The following RIMS1 variants were observed in gnomAD, a reference collection of about 807,000 sequenced individuals.
RIMS1 encodes the protein regulating synaptic membrane exocytosis protein 1.
In RIMS1, 83 loss-of-function variants were observed where a neutral mutation model predicts 214.1. The observed-to-expected ratio is 0.39, with a 90% CI of 0.32 to 0.47. RIMS1 has a LOEUF of 0.47. Ranked by LOEUF, RIMS1 falls within the 20% of genes least tolerant of loss-of-function variation. The pLI is 0.99. For synonymous variants in RIMS1, 793 were observed against 786.8 expected (o/e 1.01, Z -0.13); for missense variants, 2,050 against 2,161.8 (o/e 0.95, Z 1.03).
chr6:72,127,911 G>A (rs1025968888), intron 4 of RIMS1, among the ~76,000 whole-genome samples: 4 of 152,164 alleles, frequency 2.6e-5, no homozygotes, highest in African/African-American at 9.7e-5. Context: ...ATGATCTCAA[G>A]ATTAAAAATA....
chr6:72,300,415 C>T (rs1000415773), intron 26 of RIMS1, among the ~76,000 whole-genome samples: 1 of 151,688 alleles, frequency 6.6e-6, no homozygotes, highest in Admixed American at 6.6e-5. Context: ...TTTCAAAAAT[C>T]AAATTTAAAT....
At chr6:72,393,235 GA>G (rs915189174) in intron 31 of RIMS1, among the ~76,000 whole-genome samples, 1 of 150,682 alleles carries the variant, frequency 6.6e-6, no homozygotes, top group Non-Finnish European at 1.5e-5. Flanking sequence ...GGAAGGTGGA[GA>G]AAAACACTAA....
At chr6:72,388,949 A>G (rs1421099233) in intron 29 of RIMS1, among the ~76,000 whole-genome samples, 1 of 152,190 alleles carries the variant, frequency 6.6e-6, no homozygotes, top group African/African-American at 2.4e-5. Flanking sequence ...TGACTTCAGC[A>G]TTTATGGGAA....
At chr6:72,229,959 G>A (rs116140474) in intron 6 of RIMS1, among the ~76,000 whole-genome samples, 2 of 151,700 alleles carry the variant, frequency 1.3e-5, no homozygotes, top group Non-Finnish European at 3.0e-5. Context: ...TTTTGTGTAT[G>A]CAGTGCATAA....
chr6:72,079,391 T>C (rs778693080), intron 2 of RIMS1, among the ~76,000 whole-genome samples: 5 of 152,182 alleles, frequency 3.3e-5, no homozygotes, highest in Middle Eastern at 3.2e-3. Flanking sequence ...GGATACTTCA[T>C]TCATGATGCC....
intron 4 of RIMS1, among the ~76,000 whole-genome samples, chr6:72,177,255 C>A (rs916796724): frequency 2.0e-5 from 3 of 151,932 alleles, no homozygotes; most frequent in Admixed American, 6.6e-5. Context: ...TATTTTATTT[C>A]TTATTATTTA....
At chr6:72,041,210 G>A (rs1821350156) in intron 2 of RIMS1, among the ~76,000 whole-genome samples, 1 of 151,844 alleles carries the variant, frequency 6.6e-6, no homozygotes, top group Admixed American at 6.6e-5. Flanking sequence ...CATCTGATTG[G>A]AATCACACTT....
At chr6:71,907,193 C>G (rs1021642586) in intron 1 of RIMS1, among the ~76,000 whole-genome samples, 2 of 152,144 alleles carry the variant, frequency 1.3e-5, no homozygotes, top group East Asian at 3.9e-4. Context: ...TTTAATTCCT[C>G]ACATTTGTTG....
chr6:71,969,494 A>G (rs1561994339), intron 2 of RIMS1, among the ~76,000 whole-genome samples: 1 of 152,144 alleles, frequency 6.6e-6, no homozygotes, highest in Non-Finnish European at 1.5e-5. Context: ...ATATTATTTA[A>G]AGGTAACTGA....
chr6:71,899,442 A>G (rs1431768649), intron 1 of RIMS1, among the ~76,000 whole-genome samples: 1 of 151,662 alleles, frequency 6.6e-6, no homozygotes, highest in Non-Finnish European at 1.5e-5. Context: ...GTGAATGGCT[A>G]CTCACATATA....
At chr6:72,391,498 G>A (rs1388016227) in intron 30 of RIMS1, among the ~76,000 whole-genome samples, 2 of 151,698 alleles carry the variant, frequency 1.3e-5, no homozygotes, top group Admixed American at 1.3e-4. Flanking sequence ...TGGATTACAT[G>A]GAGATTCACC....
chr6:72,003,581 G>A (rs989252926), intron 2 of RIMS1, among the ~76,000 whole-genome samples: 11 of 151,792 alleles, frequency 7.2e-5, no homozygotes, highest in African/African-American at 1.9e-4. Flanking sequence ...TAAAGTTATC[G>A]ATATACAATT....
intron 30 of RIMS1, among the ~76,000 whole-genome samples, chr6:72,391,455 G>A (rs2098701345): frequency 6.6e-6 from 1 of 150,680 alleles, no homozygotes; most frequent in South Asian, 2.1e-4. Context: ...TTGAGGTAGT[G>A]GATCTTACAA....
At chr6:71,897,255 C>T (rs963849061) in intron 1 of RIMS1, among the ~76,000 whole-genome samples, 1 of 152,120 alleles carries the variant, frequency 6.6e-6, no homozygotes, top group Non-Finnish European at 1.5e-5. Context: ...CTGAAGGAAC[C>T]TCTTGATTCA....
rs988046743 is a variant in RIMS1, at chr6:72,099,880, T to A, written c.460-95T>A. 23 of 962,024 alleles carry A rather than the reference T, an allele frequency of 2.4e-5. No individual in the cohort carries two copies. In the Middle Eastern group the frequency reaches 7.2e-4, roughly 30 times the overall value. 59.6% of individuals were successfully genotyped at this position (962,024 alleles called of 1,614,324 possible). A position where few individuals can be genotyped will look rare whatever the true frequency, so the allele number is the denominator to read the frequency against. ...ATACTTTGAAGAAACACATAATTGTTTTCTTAAAACCAATTTATTAATACA... is the reference window on the plus strand; with the variant it reads ...ATACTTTGAAGAAACACATAATTGTATTCTTAAAACCAATTTATTAATACA... On this transcript the variant is annotated intron_variant, in intron 3 of 33. Coordinates refer to ENST00000521978, the MANE Select transcript of RIMS1 (RefSeq NM_014989.7).
chr6:72,278,327 AGTT>A (rs887215465), intron 23 of RIMS1, among the ~76,000 whole-genome samples: 19 of 152,104 alleles, frequency 1.2e-4, no homozygotes, highest in Admixed American at 3.3e-4. Context: ...TTAATTCCTG[AGTT>A]GTTCTGCTAA....
chr6:72,245,740 C>A, intron 10 of RIMS1, 75 bp from the exon 11 acceptor site: 2 of 1,139,968 alleles, frequency 1.8e-6, no homozygotes, highest in Non-Finnish European at 2.6e-6. Context: ...TTTCACATCA[C>A]GTATAATGGG....
intron 1 of RIMS1, among the ~76,000 whole-genome samples, chr6:71,944,200 CTAA>C (rs1348676125): frequency 1.3e-5 from 2 of 152,070 alleles, no homozygotes; most frequent in African/African-American, 4.8e-5. Context: ...CAAAAATTAA[CTAA>C]TGAGATGTTT....
rs551424142 is a variant in RIMS1, at chr6:72,301,545, CT to C, written c.3851-5705del. ...AGCATCTGTACTGAATATGTACACA[CT>C]TTTTTTTCTTGTCATTATTCTATAA... On this transcript the variant is annotated intron_variant, in intron 26 of 33. Transcript: ENST00000521978. Among the ~76,000 whole-genome samples, 539 of 151,466 alleles carry C rather than the reference CT, an allele frequency of 3.6e-3. 5 individuals carry two copies. The highest frequency in any genetic ancestry group is 0.013 in the African/African-American group (525 of 41,442).
Sources: allele counts gnomAD v4.1 joint callset (sites outside exome capture counted in the v4.1 genomes callset), GRCh38; gene constraint gnomAD v4.1.1; transcripts MANE v1.5; gene names NCBI Gene and HGNC (gene_info 2026-07-23, HGNC 2026-07-21).